Variants in GPALPP1 observed in about 807,000 individuals in gnomAD.
The protein encoded by GPALPP1 is GPALPP motifs containing 1.
In GPALPP1, 30 loss-of-function variants were observed where a neutral mutation model predicts 38.9. The observed-to-expected ratio is 0.77, with a 90% CI of 0.58 to 1.05. The LOEUF is 1.05. Among genes scored for constraint, GPALPP1 ranks in the 50% least tolerant of loss-of-function variants. GPALPP1 has a pLI of 0.00. For synonymous variants in GPALPP1, 120 were observed against 139.2 expected, an observed-to-expected ratio of 0.86 and a Z score of 0.97; for missense variants, 384 against 408.8, an observed-to-expected ratio of 0.94 and a Z score of 0.52.
chr13:45,030,755 TG>T, downstream of GPALPP1: 1 of 152,324 alleles, frequency 6.6e-6, no homozygotes, highest in South Asian at 2.1e-4. Flanking sequence ...TTGAGTATAT[TG>T]TTTATATGAT....
chr13:45,001,053 A>C (rs565295426), intron 1 of GPALPP1, among the ~76,000 whole-genome samples: 2 of 152,236 alleles, frequency 1.3e-5, no homozygotes, highest in South Asian at 2.1e-4. Context: ...CCCAAATCTC[A>C]TCTTGAATTA....
intron 1 of GPALPP1, 33 bp from the exon 2 acceptor site, chr13:45,004,272 G>T (rs1158608044): frequency 6.3e-7 from 1 of 1,592,344 alleles, no homozygotes; most frequent in Admixed American, 1.7e-5. Flanking sequence ...AAACAGTAGT[G>T]GCTAGTGATG....
At chr13:45,009,862 A>G (rs1874352655) in intron 4 of GPALPP1, among the ~76,000 whole-genome samples, 1 of 152,236 alleles carries the variant, frequency 6.6e-6, no homozygotes, top group South Asian at 2.1e-4. Flanking sequence ...TAAGACATCC[A>G]GGACTCAGCC....
chr13:44,996,548 A>G (rs1242119299), intron 1 of GPALPP1, among the ~76,000 whole-genome samples: 1 of 151,000 alleles, frequency 6.6e-6, no homozygotes, highest in African/African-American at 2.4e-5. Context: ...CAGTGGCATG[A>G]TCTCAGCTTA....
At chr13:45,020,161 G>A (rs991200606) in intron 6 of GPALPP1, among the ~76,000 whole-genome samples, 169 bp from the exon 7 acceptor site, 3 of 152,260 alleles carry the variant, frequency 2.0e-5, no homozygotes, top group South Asian at 4.1e-4. Context: ...GATTACAGGC[G>A]TGAGTCACTA....
chr13:45,009,962 C>T (rs1026541636), intron 4 of GPALPP1, among the ~76,000 whole-genome samples: 2 of 152,124 alleles, frequency 1.3e-5, no homozygotes, highest in Admixed American at 6.5e-5. Context: ...TCCTCTATTA[C>T]CCCTTCTCAA....
intron 1 of GPALPP1, among the ~76,000 whole-genome samples, chr13:45,001,464 T>G (rs1221258821): frequency 6.6e-6 from 1 of 152,112 alleles, no homozygotes; most frequent in Non-Finnish European, 1.5e-5. Flanking sequence ...AAACTTAAAA[T>G]GTGAAAAACA....
chr13:45,019,879 A>ATTTTTTTTTT lies in GPALPP1; in HGVS notation c.706-437_706-428dup, dbSNP rs34893767. 2.6e-3 allele frequency among the ~76,000 whole-genome samples: 225 copies of ATTTTTTTTTT among 85,518 alleles called. 1 individual carries two copies. The highest frequency in any genetic ancestry group is 3.0e-3 in the African/African-American group (62 of 20,710). 56.1% of individuals were successfully genotyped at this position (85,518 alleles called of 152,430 possible). ...TCTTATCAAGTATGTTAATATTTTG[A>ATTTTTTTTTT]TTTTTTTTTTTTTTTTTTTTTTTGA... On this transcript the variant is annotated intron_variant, in intron 6 of 7. Transcript: ENST00000379151.
intron 7 of GPALPP1, among the ~76,000 whole-genome samples, chr13:45,021,523 G>T (rs1045595240): frequency 1.3e-5 from 2 of 152,044 alleles, no homozygotes; most frequent in African/African-American, 4.8e-5. Context: ...AGTGGCTCAT[G>T]TCTATAATCC....
downstream of GPALPP1, chr13:45,034,401 G>A (rs1876331729): frequency 6.6e-6 from 1 of 152,178 alleles, no homozygotes; most frequent in African/African-American, 2.4e-5. Context: ...TGAAAGACTA[G>A]AACAAGTAGT....
At chr13:45,019,036 TAGAA>T (rs1347374009) in intron 6 of GPALPP1, among the ~76,000 whole-genome samples, 258 of 24,122 alleles carry the variant, frequency 0.011, no homozygotes, top group East Asian at 0.029. Context: ...AATATATACA[TAGAA>T]ATATATAAAT....
chr13:45,030,456 T>G (rs570345466), downstream of GPALPP1: 2 of 152,538 alleles, frequency 1.3e-5, no homozygotes, highest in African/African-American at 4.8e-5. Context: ...CTCAGCTTAC[T>G]GCAACCTCCG....
At chr13:44,991,674 A>G (rs1307730351) in intron 1 of GPALPP1, among the ~76,000 whole-genome samples, 2 of 152,184 alleles carry the variant, frequency 1.3e-5, no homozygotes, top group Non-Finnish European at 2.9e-5. Flanking sequence ...GCCAGTACCA[A>G]TGGCCTTCAC....
Position 45,029,063 on chromosome 13 carries a change from AAAAG to A in GPALPP1, c.*1068_*1071del, listed in dbSNP as rs1371141281. The A allele has an allele frequency of 1.1e-4, 16 of 152,276 alleles. No homozygotes were observed. The highest frequency in any genetic ancestry group is 3.8e-4 in the African/African-American group (16 of 41,576). 9.4% of individuals were successfully genotyped at this position (152,276 alleles called of 1,614,324 possible). ...ACAAGATCGAGAGACTCTGTCTCAAAAAAGAAAGAAAAAGAGAAGAAAAGAAATT... is the reference window on the plus strand; with the variant it reads ...ACAAGATCGAGAGACTCTGTCTCAAAAAAGAAAAAGAGAAGAAAAGAAATT... On this transcript the variant is annotated 3_prime_UTR_variant, in exon 8 of 8. Transcript: ENST00000379151.
chr13:45,019,115 GTA>G (rs999449853), intron 6 of GPALPP1, among the ~76,000 whole-genome samples: 1 of 125,852 alleles, frequency 7.9e-6, no homozygotes, highest in African/African-American at 3.3e-5. Context: ...ATATTTATAT[GTA>G]TATATATTTC....
downstream of GPALPP1, chr13:45,034,335 A>G (rs553160017): frequency 1.3e-5 from 2 of 152,222 alleles, no homozygotes; most frequent in Non-Finnish European, 2.9e-5. Flanking sequence ...AGATCTGAGT[A>G]AAAAAGATCA....
chr13:45,001,921 TC>T (rs1375958098), intron 1 of GPALPP1: 2 of 152,464 alleles, frequency 1.3e-5, no homozygotes, highest in Non-Finnish European at 2.9e-5. Flanking sequence ...CCTCGGGTGA[TC>T]CGCCCACCTC....
exon 8 of GPALPP1, chr13:45,035,872 A>C (rs1278691025): frequency 6.6e-6 from 1 of 152,182 alleles, no homozygotes; most frequent in East Asian, 1.9e-4. Flanking sequence ...TTTAAGAACC[A>C]CTGCATTTAT....
intron 1 of GPALPP1, among the ~76,000 whole-genome samples, chr13:45,003,247 A>T (rs958929915): frequency 6.6e-6 from 1 of 152,226 alleles, no homozygotes; most frequent in African/African-American, 2.4e-5. Flanking sequence ...CCCTTATAGG[A>T]TTGTTATCAG....
Sources: gnomAD v4.1 joint callset for allele counts (sites outside exome capture counted in the v4.1 genomes callset) on GRCh38, gnomAD v4.1.1 for gene constraint, MANE v1.5 for transcripts, NCBI Gene and HGNC (gene_info 2026-07-23, HGNC 2026-07-21) for gene names.